Variants in DENND2B observed in about 807,000 individuals in gnomAD.
DENND2B encodes DENN domain containing 2B.
Under a neutral mutation model 116.0 loss-of-function variants are expected in DENND2B, and 32 were observed. The observed-to-expected ratio is 0.28, with a 90% CI of 0.21 to 0.37. DENND2B has a LOEUF of 0.37. DENND2B is among the 10% of genes least tolerant of loss of function. The probability of loss-of-function intolerance (pLI) is 1.00; values close to 1 mark genes in which losing one functional copy is unlikely to be tolerated. For missense variants in DENND2B, 1,276 were observed against 1,477.7 expected (o/e 0.86, Z 2.24); for synonymous variants, 588 against 583.9 (o/e 1.01, Z -0.10).
chr11:8,836,191 C>CA (rs56816794), intron 4 of DENND2B, among the ~76,000 whole-genome samples: 37,047 of 132,904 alleles, frequency 0.28, 5,274 homozygotes, highest in East Asian at 0.51. Context: ...ACTAAAAATA[C>CA]AAAAAAAAAA....
At chr11:8,713,063 C>T (rs1016633888) in intron 8 of DENND2B, among the ~76,000 whole-genome samples, 7 of 152,060 alleles carry the variant, frequency 4.6e-5, no homozygotes, top group Non-Finnish European at 8.8e-5. Flanking sequence ...CTAGAATACA[C>T]GAACATCCAC....
chr11:8,699,157 CCAG>C, intron 15 of DENND2B, 53 bp downstream of exon 15: 1 of 1,524,044 alleles, frequency 6.6e-7, no homozygotes, highest in Non-Finnish European at 8.8e-7. Flanking sequence ...AAGTAAGATC[CCAG>C]CACCTGCTTC....
intron 1 of DENND2B, among the ~76,000 whole-genome samples, chr11:8,759,054 C>T (rs776291120): frequency 6.6e-6 from 1 of 152,328 alleles, no homozygotes; most frequent in East Asian, 1.9e-4. Context: ...CAACTCTCTA[C>T]CATCCTGAGT....
intron 1 of DENND2B, among the ~76,000 whole-genome samples, chr11:8,802,829 C>T (rs2060474468): frequency 6.6e-6 from 1 of 152,190 alleles, no homozygotes; most frequent in African/African-American, 2.4e-5. Context: ...GAGAAACCTA[C>T]CTTCTTACTT....
At chr11:8,749,392 T>C (rs1439554279) in intron 2 of DENND2B, among the ~76,000 whole-genome samples, 1 of 152,256 alleles carries the variant, frequency 6.6e-6, no homozygotes, top group Non-Finnish European at 1.5e-5. Context: ...CTATCAGTCT[T>C]GCTGCTGCAA....
chr11:8,812,903 A>G (rs1405958315), upstream of DENND2B, among the ~76,000 whole-genome samples: 12 of 147,828 alleles, frequency 8.1e-5, no homozygotes, highest in East Asian at 4.0e-4. Flanking sequence ...ATATTTTCCA[A>G]TGCTGCTCCC....
intron 1 of DENND2B, among the ~76,000 whole-genome samples, chr11:8,762,732 T>C (rs1377129575): frequency 6.6e-6 from 1 of 152,176 alleles, no homozygotes; most frequent in Non-Finnish European, 1.5e-5. Flanking sequence ...TGGTGGCGCA[T>C]GCCTGTAATC....
At chr11:8,903,577 G>A (rs2064198188) in intron 1 of DENND2B, among the ~76,000 whole-genome samples, 1 of 150,700 alleles carries the variant, frequency 6.6e-6, no homozygotes, top group African/African-American at 2.4e-5. Flanking sequence ...ATAGCTTTTT[G>A]TCAACAAATT....
chr11:8,874,182 G>A (rs910865579), upstream of DENND2B, among the ~76,000 whole-genome samples: 4 of 152,210 alleles, frequency 2.6e-5, no homozygotes, highest in Admixed American at 6.5e-5. Context: ...TCCTCTGTAC[G>A]GTCTTCTGTC....
chr11:8,737,320 C>T (rs532712318), intron 2 of DENND2B, among the ~76,000 whole-genome samples: 2 of 152,174 alleles, frequency 1.3e-5, no homozygotes, highest in South Asian at 2.1e-4. Context: ...CCAAGGAGAC[C>T]GATTGAGAAG....
At position 8,712,835 on chromosome 11, in the gene DENND2B, T is replaced by C. The variant is rs112874089; in HGVS notation, c.1988-100A>G. The C allele has an allele frequency of 3.7e-3, 4,629 of 1,258,946 alleles. 15 individuals carry two copies. The highest frequency in any genetic ancestry group is 4.8e-3 in the Middle Eastern group (17 of 3,572). 78.0% of individuals were successfully genotyped at this position (1,258,946 alleles called of 1,614,324 possible). On this transcript the variant is annotated intron_variant, in intron 8 of 19. Transcript: ENST00000313726. This position sits in a 1 kb window ranked among gnomAD's most constrained non-coding sequence, Gnocchi z 4.4. The stretch of plus-strand genomic sequence containing the variant: ...TCCATTGCTGTGGAGCACTTTTAAG[T>C]ACGTGAGCCTAGTCTGATACCATCC...
chr11:8,825,608 T>A (rs995412838), intron 4 of DENND2B, among the ~76,000 whole-genome samples: 3 of 152,152 alleles, frequency 2.0e-5, no homozygotes, highest in African/African-American at 7.2e-5. Flanking sequence ...TTATCAAATA[T>A]GTTTATGATA....
At chr11:8,770,579 T>G (rs1017500276) in intron 1 of DENND2B, among the ~76,000 whole-genome samples, 1 of 152,230 alleles carries the variant, frequency 6.6e-6, no homozygotes, top group Non-Finnish European at 1.5e-5. Flanking sequence ...TCTATCCTGC[T>G]GCATTTTGCT....
chr11:8,753,843 G>T (rs926386542), intron 1 of DENND2B, among the ~76,000 whole-genome samples: 3 of 151,912 alleles, frequency 2.0e-5, no homozygotes, highest in Non-Finnish European at 4.4e-5. Context: ...GAGAAAACTG[G>T]ATATCCATAT....
At chr11:8,715,851 T>G in intron 5 of DENND2B, 33 bp from the exon 6 acceptor site, 1 of 1,560,872 alleles carries the variant, frequency 6.4e-7, no homozygotes, top group Non-Finnish European at 8.7e-7. Flanking sequence ...CGAGAGGGGC[T>G]TGCCACAGAG....
intron 3 of DENND2B, 68 bp downstream of exon 3, chr11:8,729,882 G>A (rs994869530): frequency 1.1e-5 from 17 of 1,572,228 alleles, no homozygotes; most frequent in African/African-American, 6.7e-5. Context: ...TACAATCTGT[G>A]TTTGCACTGT....
rs369103162 is a variant in DENND2B at position 8,750,637 on chromosome 11, G to A, written c.64C>T (p.Arg22Trp). The change falls in exon 2 of 20, where the codon CGG becomes TGG. Residue 22 changes from arginine to tryptophan, a missense_variant. Transcript: ENST00000313726. Reference sequence around the variant, plus strand: ...CTTACCCACCTGCTCAGAGTCCCCCGAGGGGCTTTAGTGCCACCAGCTCCG... The same window carrying A: ...CTTACCCACCTGCTCAGAGTCCCCCAAGGGGCTTTAGTGCCACCAGCTCCG... ...THGAGGTKAP[R>W]GTLSRSQSVS... The A allele has an allele frequency of 1.1e-5, 18 of 1,613,952 alleles. No homozygotes were observed. The highest frequency in any genetic ancestry group is 8.0e-5 in the African/African-American group (6 of 74,874).
At chr11:8,700,580 T>C (rs1327904366) in intron 14 of DENND2B, among the ~76,000 whole-genome samples, 2 of 152,186 alleles carry the variant, frequency 1.3e-5, no homozygotes, top group Non-Finnish European at 2.9e-5. Flanking sequence ...CAGGACTTAT[T>C]GGAGGACAAA....
chr11:8,836,553 C>T (rs577554814), intron 4 of DENND2B, among the ~76,000 whole-genome samples: 1 of 151,026 alleles, frequency 6.6e-6, no homozygotes, highest in East Asian at 2.0e-4. Context: ...TCCCAAGTAG[C>T]TGTGATTACA....
Sources: allele counts gnomAD v4.1 joint callset (sites outside exome capture counted in the v4.1 genomes callset), GRCh38; gene constraint gnomAD v4.1.1; non-coding constraint Gnocchi (gnomAD v3.1); transcripts MANE v1.5; gene names NCBI Gene and HGNC (gene_info 2026-07-23, HGNC 2026-07-21).